Variants in PTPN9 observed in about 807,000 individuals in gnomAD.
The protein encoded by PTPN9 is tyrosine-protein phosphatase non-receptor type 9.
PTPN9 carries 26 observed loss-of-function variants against 69.8 expected under a neutral mutation model. That is an observed-to-expected ratio of 0.37 (90% CI 0.27 to 0.52). The LOEUF (loss-of-function observed/expected upper bound fraction) is 0.52. Among genes scored for constraint, PTPN9 ranks in the 20% least tolerant of loss-of-function variants. PTPN9 has a pLI of 0.91. For missense variants in PTPN9, 549 were observed against 740.3 expected (o/e 0.74, Z 3.00); for synonymous variants, 274 against 272.5 (o/e 1.01, Z -0.05).
intron 4 of PTPN9, among the ~76,000 whole-genome samples, chr15:75,519,639 T>C (rs1391357741): frequency 6.6e-6 from 1 of 151,124 alleles, no homozygotes; most frequent in African/African-American, 2.4e-5. Context: ...TCTTTACTTA[T>C]TTTTTAATTT....
intron 6 of PTPN9, among the ~76,000 whole-genome samples, chr15:75,507,680 T>C (rs1388943155): frequency 1.3e-5 from 2 of 152,004 alleles, no homozygotes; most frequent in Admixed American, 1.3e-4. Flanking sequence ...GGCAGGAGAA[T>C]GGTTTGAACC....
intron 1 of PTPN9, among the ~76,000 whole-genome samples, chr15:75,546,240 G>T (rs2075032187): frequency 6.6e-6 from 1 of 152,146 alleles, no homozygotes; most frequent in African/African-American, 2.4e-5. Context: ...GAGAGTAATG[G>T]ACATGATACA....
chr15:75,566,831 GA>G (rs1275823381), intron 1 of PTPN9, among the ~76,000 whole-genome samples: 3 of 151,170 alleles, frequency 2.0e-5, no homozygotes, highest in African/African-American at 7.3e-5. Flanking sequence ...CTATTAATGA[GA>G]AAAAAAAATT....
chr15:75,497,140 A>G (rs1281381585), intron 7 of PTPN9, among the ~76,000 whole-genome samples: 6 of 152,156 alleles, frequency 3.9e-5, no homozygotes, highest in Non-Finnish European at 7.3e-5. Flanking sequence ...GGGAGAACTA[A>G]GGATGCGGAT....
intron 1 of PTPN9, among the ~76,000 whole-genome samples, chr15:75,538,824 A>G (rs1003637655): frequency 6.6e-6 from 1 of 152,214 alleles, no homozygotes; most frequent in Non-Finnish European, 1.5e-5. Flanking sequence ...ATGCACATAA[A>G]TATTTGTAGG....
chr15:75,554,595 G>T (rs148199419), intron 1 of PTPN9, among the ~76,000 whole-genome samples: 1 of 152,008 alleles, frequency 6.6e-6, no homozygotes, highest in Non-Finnish European at 1.5e-5. Context: ...CTAAAGTGCT[G>T]GAATTACATG....
intron 7 of PTPN9, among the ~76,000 whole-genome samples, chr15:75,496,926 T>C (rs1200578982): frequency 2.0e-5 from 3 of 152,182 alleles, no homozygotes; most frequent in Non-Finnish European, 4.4e-5. Flanking sequence ...CTATTTATTT[T>C]GTCATTGCTT....
chr15:75,511,871 T>A (rs2074846709), intron 5 of PTPN9, among the ~76,000 whole-genome samples: 1 of 27,070 alleles, frequency 3.7e-5, no homozygotes, highest in East Asian at 8.2e-4. Context: ...CACTTTAATA[T>A]TTTTTTTTTT....
At chr15:75,471,497 G>C (rs995545592) in intron 10 of PTPN9, among the ~76,000 whole-genome samples, 2 of 151,530 alleles carry the variant, frequency 1.3e-5, no homozygotes, top group Non-Finnish European at 2.9e-5. Flanking sequence ...CAGCTACTTA[G>C]GAGGCTGAGG....
At position 75,493,729 on chromosome 15, in the gene PTPN9, C is replaced by T. The variant is rs531436417; in HGVS notation, c.969-3428G>A. Among the ~76,000 whole-genome samples, 6 of 151,970 alleles carry T rather than the reference C, an allele frequency of 3.9e-5. No individual in the cohort carries two copies. The East Asian group carries it at 9.7e-4, about 24-fold the overall frequency. The stretch of plus-strand genomic sequence containing the variant: ...TGAGCTGAAATTGCGCCACTGTACT[C>T]CAGCCTGGGCAACAGAGCGAGACTC... On this transcript the variant is annotated intron_variant, in intron 7 of 12. Transcript: ENST00000618819.
chr15:75,505,654 G>T, intron 7 of PTPN9, 21 bp downstream of exon 7: 1 of 1,592,316 alleles, frequency 6.3e-7, no homozygotes, highest in Non-Finnish European at 8.6e-7. Context: ...CCAGCTGCTG[G>T]CCCAAACTTT....
At chr15:75,529,353 T>A (rs916835343) in intron 1 of PTPN9, among the ~76,000 whole-genome samples, 2 of 152,122 alleles carry the variant, frequency 1.3e-5, no homozygotes, top group Non-Finnish European at 2.9e-5. Context: ...GTCCCTTCCA[T>A]CCAGAAACTT....
intron 9 of PTPN9, among the ~76,000 whole-genome samples, chr15:75,479,047 G>A (rs1378498828): frequency 5.3e-5 from 8 of 152,122 alleles, no homozygotes; most frequent in Admixed American, 5.2e-4. Flanking sequence ...GGTGGCTCAC[G>A]CCTGTAATCC....
At chr15:75,572,725 A>C (rs2141346441) in intron 1 of PTPN9, among the ~76,000 whole-genome samples, 1 of 152,248 alleles carries the variant, frequency 6.6e-6, no homozygotes, top group South Asian at 2.1e-4. Context: ...AGAAAAAAAG[A>C]AAGAAAGAAA....
chr15:75,569,830 AT>A (rs372731215), intron 1 of PTPN9, among the ~76,000 whole-genome samples: 22 of 150,014 alleles, frequency 1.5e-4, no homozygotes, highest in Admixed American at 5.3e-4. Flanking sequence ...TGTGCTCAGA[AT>A]TTTTTTTTTG....
intron 1 of PTPN9, among the ~76,000 whole-genome samples, chr15:75,529,232 G>T (rs1052696515): frequency 1.3e-5 from 2 of 151,704 alleles, no homozygotes; most frequent in Non-Finnish European, 2.9e-5. Flanking sequence ...TGATCCGTCC[G>T]CCTCGGCCTC....
rs199963778 is a variant in PTPN9, at chr15:75,479,836, G to A, written c.1129+12C>T. The A allele has an allele frequency of 7.5e-6, 12 of 1,592,806 alleles. No individual in the cohort carries two copies. Among genetic ancestry groups the A allele is most frequent in the East Asian group, 2.2e-5 (1 of 44,688 alleles). ...GGCACAAAATCAACATGGGAGGGACGGACCAGCTTACCTTGTGTGCCAATG... is the reference window on the plus strand; with the variant it reads ...GGCACAAAATCAACATGGGAGGGACAGACCAGCTTACCTTGTGTGCCAATG... On this transcript the variant is annotated intron_variant, in intron 9 of 12. Transcript: ENST00000618819.
chr15:75,469,033 T>A (rs775056784), intron 12 of PTPN9, 50 bp from the exon 13 acceptor site: 8 of 1,479,926 alleles, frequency 5.4e-6, no homozygotes, highest in Non-Finnish European at 6.5e-6. Flanking sequence ...CTTCTCTTCC[T>A]CCCTCTACCA....
rs2075166611 is a variant in PTPN9, at chr15:75,575,236, GTGCTGGGATT to G, written c.63+3468_63+3477del. Among the ~76,000 whole-genome samples the G allele has an allele frequency of 1.6e-3, 46 of 28,770 alleles. 15 individuals carry two copies. Among genetic ancestry groups the G allele is most frequent in the African/African-American group, 9.0e-3 (18 of 2,006 alleles). The allele number at this position is 28,770 out of a possible 152,430, so 18.9% of individuals were successfully genotyped here. A position where few individuals can be genotyped will look rare whatever the true frequency, so the allele number is the denominator to read the frequency against. On this transcript the variant is annotated intron_variant, in intron 1 of 12. Transcript: ENST00000618819. The stretch of plus-strand genomic sequence containing the variant: ...GATCCGCCCGCCTCTGCCTCCCAAA[GTGCTGGGATT>G]ACAGGCGTGAGCCACCGCGCCCGGC...
Sources: gnomAD v4.1 joint callset for allele counts (sites outside exome capture counted in the v4.1 genomes callset) on GRCh38, gnomAD v4.1.1 for gene constraint, MANE v1.5 for transcripts, NCBI Gene and HGNC (gene_info 2026-07-23, HGNC 2026-07-21) for gene names.